Variants in CACNA1A observed in about 807,000 individuals in gnomAD.
CACNA1A encodes the protein voltage-dependent P/Q-type calcium channel subunit alpha-1A.
CACNA1A carries 57 observed loss-of-function variants against 262.4 expected under a neutral mutation model. The observed-to-expected ratio is 0.22, with a 90% CI of 0.18 to 0.27. The LOEUF (loss-of-function observed/expected upper bound fraction) is 0.27, where lower values mean the gene tolerates loss of function less well. Ranked by LOEUF, CACNA1A falls within the 10% of genes least tolerant of loss-of-function variation. The pLI is 1.00. For missense variants in CACNA1A, 2,526 were observed against 3,562.8 expected, an observed-to-expected ratio of 0.71 and a Z score of 7.41; for synonymous variants, 1,431 against 1,419.3, an observed-to-expected ratio of 1.01 and a Z score of -0.18.
intron 3 of CACNA1A, among the ~76,000 whole-genome samples, chr19:13,413,571 TAAAAAAAAA>T (rs58314938): frequency 2.8e-5 from 2 of 71,868 alleles, no homozygotes; most frequent in African/African-American, 1.1e-4. Flanking sequence ...GGTCCTGTCT[TAAAAAAAAA>T]AAAAAAAAAA....
chr19:13,498,365 C>T (rs1027295694), intron 1 of CACNA1A, among the ~76,000 whole-genome samples: 6 of 152,064 alleles, frequency 3.9e-5, no homozygotes, highest in Non-Finnish European at 5.9e-5. Context: ...ATTTTTTACA[C>T]ATAGGCCTAA....
At position 13,413,895 on chromosome 19, in the gene CACNA1A, A is replaced by AAAGAAAGAAAGAAAG. The variant is rs2060168175; in HGVS notation, c.539+38980_539+38981insCTTTCTTTCTTTCTT. On this transcript the variant is annotated intron_variant, in intron 3 of 46. Coordinates refer to ENST00000360228, the MANE Select transcript of CACNA1A (RefSeq NM_001127222.2). ...GACTCTGTCAAGAAAGAAAGAAAGA[A>AAAGAAAGAAAGAAAG]AAAGAAAGAAAGAAAGAAAGAAAGA... Among the ~76,000 whole-genome samples the AAAGAAAGAAAGAAAG allele has an allele frequency of 1.0e-3, 120 of 119,222 alleles. 4 individuals are homozygous for AAAGAAAGAAAGAAAG. Among genetic ancestry groups the AAAGAAAGAAAGAAAG allele is most frequent in the African/African-American group, 4.7e-3 (116 of 24,648 alleles). 78.2% of individuals were successfully genotyped at this position (119,222 alleles called of 152,430 possible).
chr19:13,207,438 A>C lies in CACNA1A; in HGVS notation c.7396T>G (p.Ser2466Ala). The part of the protein sequence containing the change: ...RASGPACASP[S>A]RHGRRLPNGY... ...TTGGGGAGTCGCCGGCCGTGCCGAG[A>C]AGGCGAGGCGCAGGCCGGGCCCGAG... Residue 2466 changes from serine (S) to alanine (A), a missense_variant, in exon 47 of 47, where the codon TCT becomes GCT. Physicochemically the swap from Ser to Ala is moderately conservative, Grantham distance 99 (BLOSUM62 1). Coordinates refer to ENST00000360228, the MANE Select transcript of CACNA1A (RefSeq NM_001127222.2). The surrounding 1 kb of genome is among the most constrained non-coding windows in gnomAD (Gnocchi z 5.7). 6.6e-7 allele frequency: 1 copy of C among 1,518,684 alleles called. No homozygotes were observed. The highest frequency in any genetic ancestry group is 8.8e-7 in the Non-Finnish European group (1 of 1,137,064). 94.1% of individuals were successfully genotyped at this position (1,518,684 alleles called of 1,614,324 possible).
intron 6 of CACNA1A, among the ~76,000 whole-genome samples, chr19:13,346,010 C>T (rs1209686115): frequency 2.7e-5 from 4 of 149,718 alleles, no homozygotes; most frequent in Non-Finnish European, 4.4e-5. Flanking sequence ...AAGCGATTCT[C>T]GAGTCTCAGT....
intron 3 of CACNA1A, chr19:13,450,315 T>C (rs752045304): frequency 1.3e-5 from 2 of 152,230 alleles, no homozygotes; most frequent in East Asian, 3.8e-4. Flanking sequence ...TTGCACTGGC[T>C]GTTCCCTTTG....
intron 43 of CACNA1A, 170 bp from the exon 44 acceptor site, chr19:13,210,822 T>TAA (rs1416488489): frequency 8.1e-6 from 6 of 738,890 alleles, no homozygotes; most frequent in Non-Finnish European, 1.2e-5. Context: ...AAAGAAAAGT[T>TAA]AAAGTCCTGG....
chr19:13,212,192 T>C lies in CACNA1A; in HGVS notation c.6214A>G (p.Arg2072Gly), dbSNP rs541830363. ...SQSVEMREMG[R>G]DGYSDSEHYL... is the part of the protein sequence containing the mutation. ...TGCTCGCTGTCGGAGTAGCCATCTCTGCCCATCTCTCGCATCTCCACGGAC... is the reference window on the plus strand; with the variant it reads ...TGCTCGCTGTCGGAGTAGCCATCTCCGCCCATCTCTCGCATCTCCACGGAC... The change falls in exon 43 of 47, where the codon AGA becomes GGA. Residue 2072 changes from arginine (R) to glycine (G), a missense_variant. Arg to Gly is a moderately radical substitution (Grantham distance 125, BLOSUM62 -2). Transcript: ENST00000360228. The surrounding 1 kb of genome is among the most constrained non-coding windows in gnomAD (Gnocchi z 5.6). 1 of 1,613,934 alleles carries C rather than the reference T, an allele frequency of 6.2e-7. No homozygotes were observed. The highest frequency in any genetic ancestry group is 2.2e-5 in the East Asian group (1 of 44,882).
In CACNA1A at chr19:13,334,471, G is replaced by T; in HGVS notation, c.1105C>A (p.Arg369=). The stretch of plus-strand genomic sequence containing the variant: ...AGAAAAGCCCGCCGGTTCTCCACCC[G>T]TTCCCTTTCTTTGGCAAACTCCCTG... ...LSGEFAKERE[R]VENRRAFLKL... The change falls in exon 8 of 47, where the codon CGG becomes AGG. Residue 369 remains arginine, a synonymous_variant. Coordinates refer to ENST00000360228, the MANE Select transcript of CACNA1A (RefSeq NM_001127222.2). 6.2e-7 allele frequency: 1 copy of T among 1,610,606 alleles called. No individual in the cohort carries two copies. The highest frequency in any genetic ancestry group is 8.5e-7 in the Non-Finnish European group (1 of 1,177,140).
At chr19:13,383,081 T>C (rs2059550196) in intron 3 of CACNA1A, among the ~76,000 whole-genome samples, 1 of 152,204 alleles carries the variant, frequency 6.6e-6, no homozygotes, top group African/African-American at 2.4e-5. Flanking sequence ...TGGCTCTGGT[T>C]CTGAAAGGAC....
intron 19 of CACNA1A, among the ~76,000 whole-genome samples, chr19:13,290,523 G>A (rs1459464333): frequency 6.6e-6 from 1 of 151,938 alleles, no homozygotes; most frequent in Non-Finnish European, 1.5e-5. Flanking sequence ...GGGCTCAAGC[G>A]ATCTTCCCAC....
At chr19:13,402,546 T>TA (rs1344525691) in intron 3 of CACNA1A, among the ~76,000 whole-genome samples, 1 of 146,930 alleles carries the variant, frequency 6.8e-6, no homozygotes, top group Non-Finnish European at 1.5e-5. Flanking sequence ...AAAATAAAAT[T>TA]AAAAAAAAGA....
chr19:13,384,207 A>G (rs145570082), intron 3 of CACNA1A, among the ~76,000 whole-genome samples: 1,599 of 152,198 alleles, frequency 0.011, 23 homozygotes, highest in African/African-American at 0.036. Context: ...AGCATCTTTC[A>G]TGGCCTAGTG....
At chr19:13,250,208 C>A (rs1404894275) in intron 30 of CACNA1A, among the ~76,000 whole-genome samples, 1 of 150,808 alleles carries the variant, frequency 6.6e-6, no homozygotes. Flanking sequence ...TACAGGCACA[C>A]GCCACCATGC....
intron 6 of CACNA1A, among the ~76,000 whole-genome samples, chr19:13,336,433 G>C (rs1387971239): frequency 6.6e-6 from 1 of 151,908 alleles, no homozygotes; most frequent in Non-Finnish European, 1.5e-5. Context: ...AAAATTCTCA[G>C]AAGTTTCAGC....
rs147561334 is a variant in CACNA1A, at chr19:13,348,063, G to A, written c.978+11543C>T. On this transcript the variant is annotated intron_variant, in intron 6 of 46. Coordinates refer to ENST00000360228, the MANE Select transcript of CACNA1A (RefSeq NM_001127222.2). ...AGCCTCCCGAGTAGCTGGGACTACA[G>A]GTACACACCACCATGCCCAGCTAAT... Among the ~76,000 whole-genome samples, 620 of 152,046 alleles carry A rather than the reference G, an allele frequency of 4.1e-3. 3 individuals are homozygous for A. Among genetic ancestry groups the A allele is most frequent in the African/African-American group, 0.014 (585 of 41,472 alleles).
At chr19:13,293,128 A>C (rs777041709) in intron 19 of CACNA1A, among the ~76,000 whole-genome samples, 1 of 152,166 alleles carries the variant, frequency 6.6e-6, no homozygotes, top group African/African-American at 2.4e-5. Flanking sequence ...TTTATTGATG[A>C]GAGTATTACT....
At chr19:13,219,217 T>A (rs1406656987) in intron 38 of CACNA1A, among the ~76,000 whole-genome samples, 1 of 150,322 alleles carries the variant, frequency 6.7e-6, no homozygotes, top group Non-Finnish European at 1.5e-5. Context: ...AATTTTTGTA[T>A]TTTTAGTAGA....
At chr19:13,389,583 T>TC (rs765357215) in intron 3 of CACNA1A, among the ~76,000 whole-genome samples, 6 of 152,100 alleles carry the variant, frequency 3.9e-5, no homozygotes, top group African/African-American at 4.8e-5. Flanking sequence ...ACATATTTTT[T>TC]CCCCAATATT....
chr19:13,453,109 C>A, intron 2 of CACNA1A, 94 bp from the exon 3 acceptor site: 1 of 1,280,924 alleles, frequency 7.8e-7, no homozygotes, highest in Middle Eastern at 1.9e-4. Flanking sequence ...TACCTATCAC[C>A]CTCTCACTTC....
Sources: gnomAD v4.1 joint callset for allele counts (sites outside exome capture counted in the v4.1 genomes callset) on GRCh38, gnomAD v4.1.1 for gene constraint, Gnocchi (gnomAD v3.1) non-coding constraint, MANE v1.5 for transcripts, NCBI Gene and HGNC (gene_info 2026-07-23, HGNC 2026-07-21) for gene names.